Variants in MTMR8 observed in about 807,000 individuals in gnomAD.
The protein encoded by MTMR8 is phosphatidylinositol-3,5-bisphosphate 3-phosphatase MTMR8.
MTMR8 carries 65 observed loss-of-function variants against 39.3 expected under a neutral mutation model. The ratio of observed to expected loss-of-function variants is 1.65; its 90% confidence interval spans 1.35 to 2.03. The LOEUF (loss-of-function observed/expected upper bound fraction) is 2.03, where lower values mean the gene tolerates loss of function less well. MTMR8 is among the 30% of genes most tolerant of loss of function. The probability of loss-of-function intolerance (pLI) is 0.00; values close to 1 mark genes in which losing one functional copy is unlikely to be tolerated. For missense variants in MTMR8, 777 were observed against 538.9 expected, an observed-to-expected ratio of 1.44 and a Z score of -4.37; for synonymous variants, 245 against 185.2, an observed-to-expected ratio of 1.32 and a Z score of -2.62.
At chrX:64,286,926 C>G (rs1298629648) in intron 12 of MTMR8, among the ~76,000 whole-genome samples, 1 of 111,553 alleles carries the variant, frequency 9.0e-6, no homozygotes, top group Non-Finnish European at 1.9e-5. Flanking sequence ...CCTCTCTCAC[C>G]ACTCCTATTC....
At chrX:64,271,188 G>A in intron 12 of MTMR8, 115 bp from the exon 13 acceptor site, 6 of 740,331 alleles carry the variant, frequency 8.1e-6, no homozygotes, top group South Asian at 8.1e-5. Flanking sequence ...AATCTCATGA[G>A]TACTGTAATT....
chrX:64,337,304 G>A lies in MTMR8; in HGVS notation c.1065C>T (p.Leu355=), dbSNP rs780410879. ...TGAATGTCCTATAAAATGGATCTAG[G>A]AGGATGCTAGCCACTGAGCAGACTT... ...TAQVCSVASI[L]LDPFYRTFKG... The change falls in exon 9 of 14, where the codon CTC becomes CTT. Residue 355 remains leucine, a synonymous_variant. Transcript: ENST00000374852. The A allele has an allele frequency of 9.2e-5, 111 of 1,208,219 alleles. No homozygotes were observed. The Admixed American group carries it at 2.3e-3, about 25-fold the overall frequency.
intron 1 of MTMR8, among the ~76,000 whole-genome samples, chrX:64,387,558 C>T (rs781512972): frequency 6.4e-5 from 7 of 110,222 alleles, no homozygotes; most frequent in African/African-American, 2.0e-4. Flanking sequence ...AGACCCTCCC[C>T]TCTTTCTACT....
intron 10 of MTMR8, among the ~76,000 whole-genome samples, chrX:64,333,526 C>A (rs181718108): frequency 8.9e-6 from 1 of 111,890 alleles, no homozygotes; most frequent in Admixed American, 9.5e-5. Flanking sequence ...CTTACTCTAC[C>A]AAAAACTCAC....
chrX:64,387,246 T>A (rs1406859260), intron 1 of MTMR8, among the ~76,000 whole-genome samples: 1 of 111,175 alleles, frequency 9.0e-6, no homozygotes, highest in Non-Finnish European at 1.9e-5. Context: ...CATCTTTAGC[T>A]TTCTCCTGAC....
chrX:64,324,176 C>T (rs1167657176), intron 12 of MTMR8, among the ~76,000 whole-genome samples: 1 of 111,229 alleles, frequency 9.0e-6, no homozygotes, highest in Non-Finnish European at 1.9e-5. Context: ...CCAGCCTGGG[C>T]AACAAAGCAA....
intron 12 of MTMR8, among the ~76,000 whole-genome samples, chrX:64,319,262 C>T (rs1922560360): frequency 8.9e-6 from 1 of 111,928 alleles, no homozygotes; most frequent in African/African-American, 3.3e-5. Context: ...AAACTTACAC[C>T]AACTACAAAA....
At chrX:64,283,957 G>T (rs772293884) in intron 12 of MTMR8, among the ~76,000 whole-genome samples, 77 of 112,522 alleles carry the variant, frequency 6.8e-4, no homozygotes, top group Non-Finnish European at 9.0e-4. Flanking sequence ...AACAGCAATG[G>T]AACAAAGCTG....
chrX:64,284,434 G>T (rs759751700), intron 12 of MTMR8, among the ~76,000 whole-genome samples: 1 of 111,947 alleles, frequency 8.9e-6, no homozygotes, highest in Non-Finnish European at 1.9e-5. Context: ...CCCCAATCTA[G>T]CAAGGCAGGC....
chrX:64,392,722 A>T (rs1424458816), intron 1 of MTMR8, among the ~76,000 whole-genome samples: 5 of 111,248 alleles, frequency 4.5e-5, no homozygotes, highest in African/African-American at 6.6e-5. Flanking sequence ...TACTTCAATA[A>T]TTTTTTAAAG....
Position 64,271,364 on chromosome X carries a change from T to C in MTMR8, c.1482-291A>G, listed in dbSNP as rs746976528. Among the ~76,000 whole-genome samples, 5 of 111,974 alleles carry C rather than the reference T, an allele frequency of 4.5e-5. No individual in the cohort carries two copies. In the Admixed American group the frequency reaches 4.7e-4, roughly 11 times the overall value. ...GATAATTATAGACTCACATGTAGTT[T>C]TATGAAATAATAAGGGAGAGGAGTG... On this transcript the variant is annotated intron_variant, in intron 12 of 13. Transcript: ENST00000374852.
At chrX:64,286,245 C>T (rs1050110166) in intron 12 of MTMR8, among the ~76,000 whole-genome samples, 3 of 111,820 alleles carry the variant, frequency 2.7e-5, no homozygotes, top group South Asian at 3.7e-4. Context: ...ATAAATTCCT[C>T]GACACATACA....
intron 1 of MTMR8, among the ~76,000 whole-genome samples, chrX:64,384,439 C>A (rs751313345): frequency 1.8e-5 from 2 of 111,786 alleles, no homozygotes; most frequent in Non-Finnish European, 3.8e-5. Context: ...CCCTACATTT[C>A]TCCTCTATAC....
In MTMR8 at chrX:64,331,341, A is replaced by T. The variant is rs1922933698; in HGVS notation, c.1352+216T>A. 4 of 412,986 alleles carry T rather than the reference A, an allele frequency of 9.7e-6. No individual in the cohort carries two copies. The South Asian group carries it at 1.5e-4, about 15-fold the overall frequency. 34.0% of individuals were successfully genotyped at this position (412,986 alleles called of 1,213,427 possible). A position where few individuals can be genotyped will look rare whatever the true frequency, so the allele number is the denominator to read the frequency against. On this transcript the variant is annotated intron_variant, in intron 11 of 13. Coordinates refer to ENST00000374852, the MANE Select transcript of MTMR8 (RefSeq NM_017677.4). The stretch of plus-strand genomic sequence containing the variant: ...CTGGATCCTCATGACTGCTCTAAAA[A>T]GTAGGCATTATTATCCCTATTTTAC...
chrX:64,347,435 A>G (rs1300065190), intron 6 of MTMR8, among the ~76,000 whole-genome samples: 1 of 112,148 alleles, frequency 8.9e-6, no homozygotes, highest in South Asian at 3.7e-4. Context: ...CAAGCTTCTG[A>G]GAAACTGAAG....
chrX:64,366,441 G>A (rs1397542066), intron 1 of MTMR8, among the ~76,000 whole-genome samples: 1 of 111,932 alleles, frequency 8.9e-6, no homozygotes, highest in East Asian at 2.8e-4. Flanking sequence ...TAGAACTCAG[G>A]GTTAAGAAAC....
intron 12 of MTMR8, among the ~76,000 whole-genome samples, chrX:64,326,613 A>C (rs764974694): frequency 1.2e-4 from 13 of 111,234 alleles, no homozygotes; most frequent in Non-Finnish European, 2.3e-4. Context: ...AAGTGTCTAC[A>C]CTACCCAAAG....
At chrX:64,342,415 C>G (rs1923243836) in intron 8 of MTMR8, among the ~76,000 whole-genome samples, 2 of 112,287 alleles carry the variant, frequency 1.8e-5, no homozygotes, top group Non-Finnish European at 3.8e-5. Flanking sequence ...ATAGGGAACA[C>G]AGAAACACTG....
intron 12 of MTMR8, among the ~76,000 whole-genome samples, chrX:64,318,195 C>A (rs1389807051): frequency 8.9e-6 from 1 of 112,064 alleles, no homozygotes. Flanking sequence ...ATTTAAATTC[C>A]AACTCCCCAC....
Sources: allele counts gnomAD v4.1 joint callset (sites outside exome capture counted in the v4.1 genomes callset), GRCh38; gene constraint gnomAD v4.1.1; transcripts MANE v1.5; gene names NCBI Gene and HGNC (gene_info 2026-07-23, HGNC 2026-07-21).